The following FRRS1 variants were observed in gnomAD, a reference collection of about 807,000 sequenced individuals.
FRRS1 encodes the protein ferric chelate reductase 1.
In FRRS1, 51 loss-of-function variants were observed where a neutral mutation model predicts 70.7. The observed-to-expected ratio is 0.72, with a 90% CI of 0.58 to 0.91. FRRS1 has a LOEUF of 0.91. Ranked by LOEUF, FRRS1 falls within the 40% of genes least tolerant of loss-of-function variation. FRRS1 has a pLI of 0.00. For synonymous variants in FRRS1, 225 were observed against 238.7 expected (o/e 0.94, Z 0.53); for missense variants, 672 against 726.0 (o/e 0.93, Z 0.86).
intron 1 of FRRS1, among the ~76,000 whole-genome samples, chr1:99,760,918 T>C (rs1437125926): frequency 6.6e-6 from 1 of 152,074 alleles, no homozygotes; most frequent in East Asian, 1.9e-4. Context: ...CCCAAAGTGC[T>C]GGATTATAGG....
chr1:99,749,386 A>G (rs1368721703), intron 1 of FRRS1, among the ~76,000 whole-genome samples: 1 of 152,192 alleles, frequency 6.6e-6, no homozygotes, highest in Non-Finnish European at 1.5e-5. Context: ...GATAATAAAT[A>G]ATAGCTTTCT....
intron 7 of FRRS1, among the ~76,000 whole-genome samples, chr1:99,736,378 T>C (rs912869648): frequency 6.6e-6 from 1 of 152,180 alleles, no homozygotes; most frequent in Non-Finnish European, 1.5e-5. Flanking sequence ...TGGTATCTTT[T>C]GTATCTCATA....
chr1:99,712,413 A>AAG lies in FRRS1; in HGVS notation c.1421+4_1421+5insCT. ...AGAGCATTTATATAGAAAGGCTCTA[A>AAG]GTACCTTGGGTCATGTAAAGGTGGC... On this transcript the variant is annotated splice_donor_region_variant and intron_variant, in intron 13 of 16. Transcript: ENST00000646001. 6.3e-7 allele frequency: 1 copy of AAG among 1,577,526 alleles called. No individual in the cohort carries two copies. The highest frequency in any genetic ancestry group is 8.7e-7 in the Non-Finnish European group (1 of 1,153,936).
At chr1:99,726,084 T>C (rs1422982558) in intron 9 of FRRS1, among the ~76,000 whole-genome samples, 6 of 152,182 alleles carry the variant, frequency 3.9e-5, no homozygotes, top group African/African-American at 1.4e-4. Flanking sequence ...TGGGAGGTGA[T>C]TGAATCATGG....
At chr1:99,764,438 G>A (rs1160344445) in intron 1 of FRRS1, among the ~76,000 whole-genome samples, 2 of 152,070 alleles carry the variant, frequency 1.3e-5, no homozygotes, top group Admixed American at 6.5e-5. Flanking sequence ...TACAAAGTAT[G>A]TACATGTAAG....
chr1:99,718,740 G>A (rs1238354472), intron 10 of FRRS1, among the ~76,000 whole-genome samples: 3 of 152,050 alleles, frequency 2.0e-5, no homozygotes, highest in Admixed American at 2.0e-4. Context: ...TCAAATACTT[G>A]TACATTGATC....
At chr1:99,758,890 A>T (rs970204962) in intron 1 of FRRS1, among the ~76,000 whole-genome samples, 8 of 152,114 alleles carry the variant, frequency 5.3e-5, no homozygotes, top group African/African-American at 1.9e-4. Flanking sequence ...TGTCTGTCTT[A>T]TGGGGTTGAG....
intron 1 of FRRS1, among the ~76,000 whole-genome samples, chr1:99,753,080 G>A (rs776911519): frequency 1.3e-5 from 2 of 151,148 alleles, no homozygotes; most frequent in South Asian, 2.1e-4. Context: ...GGCTGTGGTG[G>A]CACGTGCCTA....
chr1:99,743,256 A>T (rs1350229032), intron 4 of FRRS1, among the ~76,000 whole-genome samples: 1 of 152,200 alleles, frequency 6.6e-6, no homozygotes, highest in Non-Finnish European at 1.5e-5. Flanking sequence ...TTATCTTGCA[A>T]CCACCACCTT....
chr1:99,717,338 T>C (rs1226652721), intron 11 of FRRS1, 72 bp downstream of exon 11: 10 of 992,312 alleles, frequency 1.0e-5, no homozygotes, highest in African/African-American at 4.8e-5. Flanking sequence ...CATACACACA[T>C]ACTTCATATG....
chr1:99,731,536 G>C (rs897698727), intron 7 of FRRS1, among the ~76,000 whole-genome samples: 1 of 152,168 alleles, frequency 6.6e-6, no homozygotes, highest in Non-Finnish European at 1.5e-5. Context: ...ACCATGGCCA[G>C]CAAATCAAAT....
At chr1:99,763,015 T>C (rs1475332791) in intron 1 of FRRS1, among the ~76,000 whole-genome samples, 3 of 152,212 alleles carry the variant, frequency 2.0e-5, no homozygotes, top group Non-Finnish European at 4.4e-5. Flanking sequence ...AACACAGGAT[T>C]ATTTTCCTAA....
chr1:99,756,702 T>C (rs1465123905), intron 1 of FRRS1, among the ~76,000 whole-genome samples: 1 of 152,172 alleles, frequency 6.6e-6, no homozygotes, highest in East Asian at 1.9e-4. Context: ...ATTGTGCAAC[T>C]CTAAGAACAT....
chr1:99,731,822 G>A (rs557783329), intron 7 of FRRS1, among the ~76,000 whole-genome samples: 1 of 152,112 alleles, frequency 6.6e-6, no homozygotes, highest in South Asian at 2.1e-4. Context: ...TTTGAACCCC[G>A]ATTTATTTTT....
At position 99,717,443 on chromosome 1, in the gene FRRS1, T is replaced by C. The variant is rs766794954; in HGVS notation, c.1203A>G (p.Lys401=). 1.9e-6 allele frequency: 3 copies of C among 1,614,118 alleles called. No homozygotes were observed. Among genetic ancestry groups the C allele is most frequent in the South Asian group, 1.1e-5 (1 of 91,084 alleles). ...VARFFKPVWS[K]AFLLGEAAWF... Reference sequence around the variant, plus strand: ...AAGCTGCTTCACCAAGCAAGAAAGCTTTTGACCAAACTGGCTTGAAGAACC... The same window carrying C: ...AAGCTGCTTCACCAAGCAAGAAAGCCTTTGACCAAACTGGCTTGAAGAACC... Residue 401 remains lysine (K), a synonymous_variant, in exon 11 of 17, where the codon AAA becomes AAG. Transcript: ENST00000646001.
At chr1:99,746,806 C>T (rs1656294627) in intron 4 of FRRS1, among the ~76,000 whole-genome samples, 1 of 152,136 alleles carries the variant, frequency 6.6e-6, no homozygotes, top group Admixed American at 6.5e-5. Context: ...CATATAGAAA[C>T]ATTTTTAAGA....
chr1:99,720,652 G>A (rs547879690), intron 9 of FRRS1, among the ~76,000 whole-genome samples: 110 of 152,018 alleles, frequency 7.2e-4, no homozygotes, highest in African/African-American at 2.5e-3. Context: ...GGGGAAAATT[G>A]TCCACCTAGA....
rs187867899 is a variant in FRRS1, at chr1:99,766,138, G to A, written c.-106+469C>T. Among the ~76,000 whole-genome samples the A allele has an allele frequency of 4.7e-4, 72 of 152,192 alleles. 1 individual carries two copies. In the East Asian group the frequency reaches 0.011, roughly 22 times the overall value. ...TCTGAAATTTTAACGACACACCAGG[G>A]CTAGGGAGTGGGAGGGTAAGGGGAC... On this transcript the variant is annotated intron_variant, in intron 1 of 16. Transcript: ENST00000646001.
At chr1:99,746,822 A>G (rs921694426) in intron 4 of FRRS1, among the ~76,000 whole-genome samples, 29 of 152,218 alleles carry the variant, frequency 1.9e-4, no homozygotes, top group African/African-American at 7.0e-4. Context: ...TAAGAAAACG[A>G]AAAAACAAAA....
Sources: gnomAD v4.1 joint callset for allele counts (sites outside exome capture counted in the v4.1 genomes callset) on GRCh38, gnomAD v4.1.1 for gene constraint, MANE v1.5 for transcripts, NCBI Gene and HGNC (gene_info 2026-07-23, HGNC 2026-07-21) for gene names.